Variants in LTBP1 observed in about 807,000 individuals in gnomAD.
LTBP1 encodes the protein latent transforming growth factor beta binding protein 1.
A neutral mutation model predicts 207.6 loss-of-function variants in LTBP1; 129 were observed. The observed-to-expected ratio is 0.62, with a 90% CI of 0.54 to 0.72. The LOEUF (loss-of-function observed/expected upper bound fraction) is 0.72. Among genes scored for constraint, LTBP1 ranks in the 30% least tolerant of loss-of-function variants. The probability of loss-of-function intolerance (pLI) is 0.00; values close to 1 mark genes in which losing one functional copy is unlikely to be tolerated. For synonymous variants in LTBP1, 963 were observed against 833.7 expected (o/e 1.16, Z -2.67); for missense variants, 2,281 against 2,217.2 (o/e 1.03, Z -0.58).
chr2:33,177,286 A>G (rs2086160623), intron 5 of LTBP1, among the ~76,000 whole-genome samples: 1 of 152,214 alleles, frequency 6.6e-6, no homozygotes, highest in South Asian at 2.1e-4. Flanking sequence ...TGCATGAGAA[A>G]ATAATTACTA....
chr2:33,395,230 A>C lies in LTBP1; in HGVS notation c.4835-1903A>C, dbSNP rs551497439. On this transcript the variant is annotated intron_variant, in intron 32 of 33. Transcript: ENST00000404816. ...GAGGAACCTGGTTTCAACAAAATCA[A>C]GTGACTTGGCCAGGGTCACAGGCAT... 2.6e-5 allele frequency among the ~76,000 whole-genome samples: 4 copies of C among 152,346 alleles called. No individual in the cohort carries two copies. The Middle Eastern group carries it at 0.014, about 518-fold the overall frequency.
chr2:33,076,236 A>G (rs532130972), intron 3 of LTBP1, among the ~76,000 whole-genome samples: 37 of 152,280 alleles, frequency 2.4e-4, no homozygotes, highest in African/African-American at 7.5e-4. Context: ...GTATTTATAC[A>G]TTTTCCTTAA....
At chr2:33,050,820 G>A (rs948082246) in intron 3 of LTBP1, among the ~76,000 whole-genome samples, 30 of 150,888 alleles carry the variant, frequency 2.0e-4, no homozygotes, top group South Asian at 6.3e-4. Context: ...TGCAACCTCC[G>A]CCTCCCGGGT....
intron 4 of LTBP1, among the ~76,000 whole-genome samples, chr2:33,122,215 A>G (rs751060413): frequency 6.6e-6 from 1 of 152,114 alleles, no homozygotes; most frequent in East Asian, 1.9e-4. Flanking sequence ...TCCTTCTTCT[A>G]CCATGAAAAA....
At chr2:33,081,773 G>T (rs1265087100) in intron 3 of LTBP1, among the ~76,000 whole-genome samples, 1 of 152,186 alleles carries the variant, frequency 6.6e-6, no homozygotes, top group Admixed American at 6.5e-5. Flanking sequence ...GGAGGTAATT[G>T]AATCATGGGG....
At chr2:33,120,113 A>G (rs1238122226) in intron 4 of LTBP1, among the ~76,000 whole-genome samples, 1 of 149,346 alleles carries the variant, frequency 6.7e-6, no homozygotes, top group Admixed American at 6.6e-5. Context: ...TTAAATCAAG[A>G]AATACGTACA....
intron 5 of LTBP1, among the ~76,000 whole-genome samples, chr2:33,177,513 C>T (rs1349693833): frequency 6.6e-6 from 1 of 151,982 alleles, no homozygotes; most frequent in Non-Finnish European, 1.5e-5. Context: ...ACTAAAAATA[C>T]AAAAATTAGC....
At chr2:33,122,842 G>A (rs1202186276) in intron 4 of LTBP1, among the ~76,000 whole-genome samples, 1 of 152,112 alleles carries the variant, frequency 6.6e-6, no homozygotes, top group Non-Finnish European at 1.5e-5. Flanking sequence ...CTCTTGAGAC[G>A]TCTATCTCCT....
At chr2:32,988,112 C>A (rs553417931) in intron 2 of LTBP1, among the ~76,000 whole-genome samples, 17 of 152,288 alleles carry the variant, frequency 1.1e-4, no homozygotes, top group African/African-American at 3.9e-4. Flanking sequence ...CAGCTTCTCC[C>A]TAGGGATATT....
At chr2:33,350,683 A>C (rs1399180870) in intron 26 of LTBP1, among the ~76,000 whole-genome samples, 4 of 151,952 alleles carry the variant, frequency 2.6e-5, no homozygotes, top group Non-Finnish European at 5.9e-5. Context: ...AAAGCATCTG[A>C]AAAAGAAGTA....
At chr2:33,170,152 G>A (rs1278831985) in intron 5 of LTBP1, among the ~76,000 whole-genome samples, 9 of 152,172 alleles carry the variant, frequency 5.9e-5, no homozygotes, top group Non-Finnish European at 7.4e-5. Context: ...GACAGTGGGC[G>A]CAGGACAGTG....
intron 2 of LTBP1, among the ~76,000 whole-genome samples, 153 bp downstream of exon 2, chr2:32,949,098 G>T (rs1365931480): frequency 6.6e-6 from 1 of 152,186 alleles, no homozygotes; most frequent in African/African-American, 2.4e-5. Context: ...CCTAGGAAGG[G>T]CTGGGTCAGG....
intron 13 of LTBP1, 70 bp downstream of exon 13, chr2:33,259,680 G>T: frequency 3.6e-6 from 5 of 1,406,422 alleles, no homozygotes; most frequent in South Asian, 1.3e-5. Flanking sequence ...GAATATGTAT[G>T]GATTTTTTAG....
chr2:33,120,943 G>T (rs2081072955), intron 4 of LTBP1, among the ~76,000 whole-genome samples: 1 of 152,128 alleles, frequency 6.6e-6, no homozygotes, highest in Non-Finnish European at 1.5e-5. Context: ...CTTACATGCA[G>T]TTTCTTAATA....
intron 3 of LTBP1, among the ~76,000 whole-genome samples, chr2:33,058,601 A>G (rs116690274): frequency 1.8e-3 from 269 of 152,352 alleles, no homozygotes; most frequent in African/African-American, 5.9e-3. Context: ...GAAGATCAAG[A>G]TAAATTTTGT....
At chr2:33,009,893 A>T (rs950674886) in intron 2 of LTBP1, among the ~76,000 whole-genome samples, 1 of 152,220 alleles carries the variant, frequency 6.6e-6, no homozygotes, top group African/African-American at 2.4e-5. Flanking sequence ...AGACCGTTGG[A>T]TGTGGAAATC....
At chr2:33,132,757 T>C (rs910658627) in intron 4 of LTBP1, among the ~76,000 whole-genome samples, 1 of 152,174 alleles carries the variant, frequency 6.6e-6, no homozygotes, top group African/African-American at 2.4e-5. Flanking sequence ...ATGGAGGGCT[T>C]TCTCCTCCAG....
At chr2:33,228,425 C>A (rs1205069335) in intron 9 of LTBP1, among the ~76,000 whole-genome samples, 1 of 152,066 alleles carries the variant, frequency 6.6e-6, no homozygotes, top group African/African-American at 2.4e-5. Context: ...CAGCATATTG[C>A]TAATAAGTGC....
intron 2 of LTBP1, among the ~76,000 whole-genome samples, chr2:32,988,532 T>A (rs558422196): frequency 1.3e-5 from 2 of 152,232 alleles, no homozygotes; most frequent in African/African-American, 4.8e-5. Flanking sequence ...ATGTATTTCA[T>A]TGGGAAATCT....
Sources: allele counts gnomAD v4.1 joint callset (sites outside exome capture counted in the v4.1 genomes callset), GRCh38; gene constraint gnomAD v4.1.1; transcripts MANE v1.5; gene names NCBI Gene and HGNC (gene_info 2026-07-23, HGNC 2026-07-21).